The following PPFIBP2 variants were observed in gnomAD, a reference collection of about 807,000 sequenced individuals.
PPFIBP2 encodes liprin-beta-2.
In PPFIBP2, 118 loss-of-function variants were observed where a neutral mutation model predicts 118.3. The ratio of observed to expected loss-of-function variants is 1.00; its 90% CI spans 0.86 to 1.16. The LOEUF is 1.16. Among genes scored for constraint, PPFIBP2 ranks in the 50% most tolerant of loss-of-function variants. The probability of loss-of-function intolerance (pLI) is 0.00; values close to 1 mark genes in which losing one functional copy is unlikely to be tolerated. For synonymous variants in PPFIBP2, 414 were observed against 397.4 expected, an observed-to-expected ratio of 1.04 and a Z score of -0.50; for missense variants, 1,195 against 1,073.1, an observed-to-expected ratio of 1.11 and a Z score of -1.59.
At chr11:7,562,970 T>TACACACACAC (rs1485132552) in intron 2 of PPFIBP2, among the ~76,000 whole-genome samples, 7 of 98,862 alleles carry the variant, frequency 7.1e-5, no homozygotes, top group African/African-American at 2.6e-4. Context: ...TATATATATA[T>TACACACACAC]ATATATACAC....
chr11:7,521,954 A>G (rs1849796172), intron 1 of PPFIBP2, among the ~76,000 whole-genome samples: 1 of 152,200 alleles, frequency 6.6e-6, no homozygotes, highest in African/African-American at 2.4e-5. Flanking sequence ...CAGGCTGGGA[A>G]GAGATCATGG....
At position 7,605,135 on chromosome 11, in the gene PPFIBP2, T is replaced by G. The variant is rs145991558; in HGVS notation, c.487-5156T>G. ...TGAACTAGGGAACAGTTTTCAAAGG[T>G]GAAAGAACCCTGCAGAAAAGATGGC... On this transcript the variant is annotated intron_variant, in intron 5 of 23. Coordinates refer to ENST00000299492, the MANE Select transcript of PPFIBP2 (RefSeq NM_003621.5). Among the ~76,000 whole-genome samples, 125 of 152,234 alleles carry G rather than the reference T, an allele frequency of 8.2e-4. 2 individuals carry two copies. The East Asian group carries it at 0.021, about 26-fold the overall frequency.
intron 3 of PPFIBP2, chr11:7,568,934 A>C (rs1855327680): frequency 1.3e-5 from 2 of 152,360 alleles, no homozygotes; most frequent in East Asian, 3.9e-4. Flanking sequence ...TCTACCCCAG[A>C]GTGAATCAAC....
intron 17 of PPFIBP2, among the ~76,000 whole-genome samples, chr11:7,645,403 T>TCC (rs887986088): frequency 6.6e-6 from 1 of 152,208 alleles, no homozygotes; most frequent in Non-Finnish European, 1.5e-5. Flanking sequence ...CCATGTGCTC[T>TCC]CCCCCTACTG....
chr11:7,661,050 T>C (rs1392015496), downstream of PPFIBP2, among the ~76,000 whole-genome samples: 1 of 152,070 alleles, frequency 6.6e-6, no homozygotes, highest in East Asian at 1.9e-4. Context: ...TTTTCTTTAT[T>C]AGTTTTGCTA....
intron 3 of PPFIBP2, among the ~76,000 whole-genome samples, chr11:7,590,527 A>G (rs953666945): frequency 6.6e-6 from 1 of 152,186 alleles, no homozygotes; most frequent in Non-Finnish European, 1.5e-5. Flanking sequence ...CGAATCTGTT[A>G]TAGGAGGGGC....
Position 7,565,768 on chromosome 11 carries a change from G to C in PPFIBP2, c.279+1G>C. 1 of 1,613,868 alleles carries C rather than the reference G, an allele frequency of 6.2e-7. No homozygotes were observed. Among genetic ancestry groups the C allele is most frequent in the East Asian group, 2.2e-5 (1 of 44,868 alleles). On this transcript the variant is annotated splice_donor_variant, in intron 3 of 23. Transcript: ENST00000299492. LOFTEE classifies it high-confidence loss of function. ...AAAGGAATGGTTTGAAGAGAGCTTGGTGAGTAGTCCCGTGGCCTGATTGGG... is the reference window on the plus strand; with the variant it reads ...AAAGGAATGGTTTGAAGAGAGCTTGCTGAGTAGTCCCGTGGCCTGATTGGG...
chr11:7,612,295 A>G (rs1184425941), intron 6 of PPFIBP2, among the ~76,000 whole-genome samples: 2 of 152,220 alleles, frequency 1.3e-5, no homozygotes, highest in Non-Finnish European at 2.9e-5. Flanking sequence ...TTCTGCAGTC[A>G]AAGAGGTGCT....
At chr11:7,526,968 C>A (rs908975494) in intron 1 of PPFIBP2, among the ~76,000 whole-genome samples, 2 of 151,976 alleles carry the variant, frequency 1.3e-5, no homozygotes, top group Non-Finnish European at 2.9e-5. Context: ...AACACACCAT[C>A]CTGAGACCTG....
intron 1 of PPFIBP2, among the ~76,000 whole-genome samples, chr11:7,527,064 A>T (rs1850293161): frequency 6.7e-6 from 1 of 149,812 alleles, no homozygotes; most frequent in South Asian, 2.2e-4. Context: ...ATCCAGGAGG[A>T]CACTGGTCAC....
chr11:7,666,721 C>A, the PPFIBP2 span: 8 of 527,458 alleles, frequency 1.5e-5, no homozygotes, highest in Non-Finnish European at 2.7e-5. Flanking sequence ...GAAGCTCAAA[C>A]CCTTTGTTTT....
intron 6 of PPFIBP2, 108 bp downstream of exon 6, chr11:7,610,530 A>C (rs1847940463): frequency 1.4e-6 from 2 of 1,435,298 alleles, no homozygotes; most frequent in African/African-American, 2.8e-5. Context: ...GGTGCCAGAA[A>C]TATCTATACA....
chr11:7,611,351 A>G (rs932202109), intron 6 of PPFIBP2, among the ~76,000 whole-genome samples: 1 of 152,108 alleles, frequency 6.6e-6, no homozygotes. Flanking sequence ...TCCTTCCTTC[A>G]TTTAGGCTAA....
chr11:7,664,793 G>C, the PPFIBP2 span, among the ~76,000 whole-genome samples: 11 of 151,626 alleles, frequency 7.3e-5, no homozygotes, highest in African/African-American at 2.7e-4. Flanking sequence ...GGATGGGTGA[G>C]GTTGGCTGTC....
chr11:7,655,664 CA>C (rs1159470940), downstream of PPFIBP2, among the ~76,000 whole-genome samples: 1 of 152,054 alleles, frequency 6.6e-6, no homozygotes, highest in Non-Finnish European at 1.5e-5. Context: ...GAAAGCAGCC[CA>C]GGGGCCTTCT....
At position 7,637,186 on chromosome 11, in the gene PPFIBP2, C is replaced by A. The variant is rs149201223; in HGVS notation, c.1236+1593C>A. Among the ~76,000 whole-genome samples the A allele has an allele frequency of 2.6e-5, 4 of 152,290 alleles. No individual in the cohort carries two copies. The East Asian group carries it at 5.8e-4, about 22-fold the overall frequency. On this transcript the variant is annotated intron_variant, in intron 14 of 23. Transcript: ENST00000299492. ...CCTTCTCATGTGCATGGATCACAAG[C>A]CTTTTAAGCTGCTACTTAGTCTTCT...
At chr11:7,597,806 G>C (rs1204834310) in intron 5 of PPFIBP2, 133 bp downstream of exon 5, 1 of 751,728 alleles carries the variant, frequency 1.3e-6, no homozygotes, top group Non-Finnish European at 2.2e-6. Flanking sequence ...CTGCTCAGTT[G>C]TACGGTGTTT....
intron 3 of PPFIBP2, 53 bp from the exon 4 acceptor site, chr11:7,593,079 T>C: frequency 6.3e-7 from 1 of 1,599,548 alleles, no homozygotes; most frequent in South Asian, 1.1e-5. Flanking sequence ...TAGAAGTTGG[T>C]AAGATGTTTT....
chr11:7,532,093 C>T lies in PPFIBP2; in HGVS notation c.-36-17347C>T, dbSNP rs185572033. Among the ~76,000 whole-genome samples, 338 of 152,238 alleles carry T rather than the reference C, an allele frequency of 2.2e-3. 3 individuals are homozygous for T. The highest frequency in any genetic ancestry group is 7.8e-3 in the African/African-American group (324 of 41,538). On this transcript the variant is annotated intron_variant, in intron 1 of 23. Coordinates refer to ENST00000299492, the MANE Select transcript of PPFIBP2 (RefSeq NM_003621.5). ...TTGGCCTCAAGTGATCCACTCACCT[C>T]GGCCTCCCAAAGTGCTGGGATTATA...
Sources: allele counts gnomAD v4.1 joint callset (sites outside exome capture counted in the v4.1 genomes callset), GRCh38; gene constraint gnomAD v4.1.1; transcripts MANE v1.5; gene names NCBI Gene and HGNC (gene_info 2026-07-23, HGNC 2026-07-21).